SOS2: variants seen among roughly 807,000 people sequenced by gnomAD.
SOS2 encodes son of sevenless homolog 2.
Under a neutral mutation model 148.2 loss-of-function variants are expected in SOS2, and 65 were observed. That is an observed-to-expected ratio of 0.44 (90% confidence interval 0.36 to 0.54). The LOEUF is 0.54. Among genes scored for constraint, SOS2 ranks in the 20% least tolerant of loss-of-function variants. The pLI is 0.00. For synonymous variants in SOS2, 539 were observed against 537.1 expected (o/e 1.00, Z -0.05); for missense variants, 1,341 against 1,590.2 (o/e 0.84, Z 2.67).
chr14:50,198,528 G>A (rs188832397), intron 4 of SOS2, among the ~76,000 whole-genome samples: 1 of 152,268 alleles, frequency 6.6e-6, no homozygotes, highest in African/African-American at 2.4e-5. Context: ...ACTGAGGTTT[G>A]GAGATCCAAT....
chr14:50,183,998 GC>G (rs1191963434), intron 5 of SOS2, among the ~76,000 whole-genome samples: 1 of 152,172 alleles, frequency 6.6e-6, no homozygotes, highest in Non-Finnish European at 1.5e-5. Flanking sequence ...AACCTGTACA[GC>G]ATGTTACTGT....
At chr14:50,141,666 AC>A (rs1396944422) in intron 16 of SOS2, among the ~76,000 whole-genome samples, 1 of 152,248 alleles carries the variant, frequency 6.6e-6, no homozygotes, top group African/African-American at 2.4e-5. Context: ...AAGACTTGTT[AC>A]TATAAAAATG....
Position 50,150,243 on chromosome 14 carries a change from C to G in SOS2, c.2162-13G>C, listed in dbSNP as rs566609381. The G allele has an allele frequency of 6.6e-7, 1 of 1,513,052 alleles. No homozygotes were observed. The highest frequency in any genetic ancestry group is 9.2e-7 in the Non-Finnish European group (1 of 1,089,336). The allele number at this position is 1,513,052 out of a possible 1,614,324, so 93.7% of individuals were successfully genotyped here. A position where few individuals can be genotyped will look rare whatever the true frequency, so the allele number is the denominator to read the frequency against. ...TTCATAGCTTTCCCTGGAAAAAGAA[C>G]ACATAAAGAAAAATGTCTTTTACTT... On this transcript the variant is annotated splice_polypyrimidine_tract_variant and intron_variant, in intron 13 of 22. Coordinates refer to ENST00000216373, the MANE Select transcript of SOS2 (RefSeq NM_006939.4).
At position 50,157,073 on chromosome 14, in the gene SOS2, T is replaced by C; in HGVS notation, c.1983A>G (p.Ile661Met). ...PEPTDADKLA[I>M]EKGEQPISAD... ...CACTGATTGGCTGCTCGCCTTTCTC[T>C]ATTGCCAATTTGTCTGCGTCAGTAG... The change falls in exon 12 of 23, where the codon ATA (isoleucine) becomes ATG (methionine). Residue 661 changes from isoleucine (I) to methionine (M), a missense_variant. Around this residue, in one of 4 missense-constraint regions of SOS2, gnomAD observed 408 missense variants for 506.6 expected, o/e 0.81. Coordinates refer to ENST00000216373, the MANE Select transcript of SOS2 (RefSeq NM_006939.4). 6.2e-7 allele frequency: 1 copy of C among 1,612,788 alleles called. No homozygotes were observed. The highest frequency in any genetic ancestry group is 8.5e-7 in the Non-Finnish European group (1 of 1,179,160).
intron 21 of SOS2, among the ~76,000 whole-genome samples, chr14:50,124,134 G>A (rs1883611765): frequency 6.6e-6 from 1 of 152,144 alleles, no homozygotes; most frequent in African/African-American, 2.4e-5. Context: ...TTAAATATAT[G>A]AGTCTAGAAG....
At chr14:50,123,711 C>T (rs1296471597) in intron 21 of SOS2, among the ~76,000 whole-genome samples, 1 of 152,122 alleles carries the variant, frequency 6.6e-6, no homozygotes, top group Non-Finnish European at 1.5e-5. Flanking sequence ...ACAAGTAAAA[C>T]AAGGTCTAAC....
intron 4 of SOS2, among the ~76,000 whole-genome samples, chr14:50,192,781 T>C (rs747450953): frequency 6.6e-6 from 1 of 151,992 alleles, no homozygotes; most frequent in Non-Finnish European, 1.5e-5. Flanking sequence ...GGAGAATGGA[T>C]TGAACCCAGG....
At chr14:50,125,688 G>A (rs553716883) in intron 21 of SOS2, among the ~76,000 whole-genome samples, 2 of 152,280 alleles carry the variant, frequency 1.3e-5, no homozygotes, top group East Asian at 3.9e-4. Context: ...AAGGCATTTG[G>A]TACAAAGGAA....
Position 50,214,899 on chromosome 14 carries a change from G to A in SOS2, c.88-10490C>T, listed in dbSNP as rs113887761. Among the ~76,000 whole-genome samples, 819 of 149,882 alleles carry A rather than the reference G, an allele frequency of 5.5e-3. 8 individuals are homozygous for A. The highest frequency in any genetic ancestry group is 0.024 in the Middle Eastern group (7 of 290). On this transcript the variant is annotated intron_variant, in intron 1 of 22. Transcript: ENST00000216373. ...CCCCCAGGATGGAGTGCAGTGGCGC[G>A]ATCTCAGCTCACTGCAAGCTTCGCC...
chr14:50,166,851 A>G (rs914806554), intron 8 of SOS2, among the ~76,000 whole-genome samples: 1 of 152,178 alleles, frequency 6.6e-6, no homozygotes. Context: ...TTTATTAGTA[A>G]TAAACTCTCT....
rs1884226242 is a variant in SOS2 at position 50,140,270 on chromosome 14, T to C, written c.2668-211A>G. Among the ~76,000 whole-genome samples the C allele has an allele frequency of 2.0e-5, 3 of 152,302 alleles. No individual in the cohort carries two copies. In the South Asian group the frequency reaches 6.2e-4, roughly 32 times the overall value. ...AAACCCATAATTTACTCATATAAAT[T>C]AGAAGATCAAGCAATACAAAAAATT... On this transcript the variant is annotated intron_variant, in intron 16 of 22. Transcript: ENST00000216373.
In SOS2 at chr14:50,136,248, TTAAG is replaced by T. The variant is rs559306843; in HGVS notation, c.2959-2013_2959-2010del. ...TTGCTCTATTTTAAATACTATTTAT[TTAAG>T]TATGATTTGAAAAGTGAATAGCTAC... On this transcript the variant is annotated intron_variant, in intron 18 of 22. Coordinates refer to ENST00000216373, the MANE Select transcript of SOS2 (RefSeq NM_006939.4). 2.1e-4 allele frequency among the ~76,000 whole-genome samples: 32 copies of T among 152,336 alleles called. No homozygotes were observed. The South Asian group carries it at 5.0e-3, about 24-fold the overall frequency.
intron 1 of SOS2, among the ~76,000 whole-genome samples, chr14:50,228,595 T>C (rs1455958599): frequency 6.6e-6 from 1 of 152,316 alleles, no homozygotes; most frequent in South Asian, 2.1e-4. Context: ...ACTTTACCTT[T>C]CTGAAAATTA....
intron 11 of SOS2, 98 bp downstream of exon 11, chr14:50,158,467 A>G (rs961637967): frequency 5.9e-6 from 4 of 673,038 alleles, no homozygotes; most frequent in Non-Finnish European, 1.0e-5. Flanking sequence ...AATATGTTCA[A>G]TAATTAACTT....
In SOS2 at chr14:50,158,497, G is replaced by C. The variant is rs75426933; in HGVS notation, c.1934+68C>G. The C allele has an allele frequency of 3.7e-4, 327 of 878,856 alleles. 3 individuals carry two copies. The East Asian group carries it at 6.3e-3, about 17-fold the overall frequency. The allele number at this position is 878,856 out of a possible 1,614,324, so 54.4% of individuals were successfully genotyped here. On this transcript the variant is annotated intron_variant, in intron 11 of 22. Coordinates refer to ENST00000216373, the MANE Select transcript of SOS2 (RefSeq NM_006939.4). ...TAACTTGAGTATTTATTAGGTACTA[G>C]GCACTTTACAAAATACAGTTAATTT...
intron 17 of SOS2, among the ~76,000 whole-genome samples, chr14:50,139,215 CTAAT>C (rs1884182702): frequency 6.6e-6 from 1 of 152,110 alleles, no homozygotes; most frequent in African/African-American, 2.4e-5. Flanking sequence ...GGCTTATAAA[CTAAT>C]TCTGTTTTTT....
Position 50,138,716 on chromosome 14 carries a change from C to A in SOS2, c.2854G>T (p.Asp952Tyr), listed in dbSNP as rs200387871. 5 of 1,349,766 alleles carry A rather than the reference C, an allele frequency of 3.7e-6. No homozygotes were observed. The African/African-American group carries it at 5.8e-5, about 16-fold the overall frequency. 83.6% of individuals were successfully genotyped at this position (1,349,766 alleles called of 1,614,324 possible). Residue 952 changes from aspartate to tyrosine, a missense_variant, in exon 18 of 23, where the codon GAT becomes TAT. Around this residue, in one of 4 missense-constraint regions of SOS2, gnomAD observed 408 missense variants for 506.6 expected, o/e 0.81. Transcript: ENST00000216373. ...NNDFLKKKGK[D>Y]LINFSKRRKV... ...CTCCTCTTACTGAAATTGATTAAATCTTTCCCTTTCTTTTTTAAAAAATCA... is the reference window on the plus strand; with the variant it reads ...CTCCTCTTACTGAAATTGATTAAATATTTCCCTTTCTTTTTTAAAAAATCA...
chr14:50,145,038 T>C (rs1216872824), intron 16 of SOS2, 132 bp downstream of exon 16: 1 of 410,634 alleles, frequency 2.4e-6, no homozygotes, highest in East Asian at 4.0e-5. Context: ...TTCTAATATA[T>C]TTATATCATA....
chr14:50,208,324 G>T (rs2139810184), intron 1 of SOS2, among the ~76,000 whole-genome samples: 1 of 151,760 alleles, frequency 6.6e-6, no homozygotes, highest in South Asian at 2.1e-4. Context: ...ATCTCTTTGT[G>T]AACTTCTTTC....
Sources: allele counts gnomAD v4.1 joint callset (sites outside exome capture counted in the v4.1 genomes callset), GRCh38; gene constraint gnomAD v4.1.1; regional missense constraint gnomAD v4.1.1; transcripts MANE v1.5; gene names NCBI Gene and HGNC (gene_info 2026-07-23, HGNC 2026-07-21).